Variants in UNC13C observed in about 807,000 individuals in gnomAD.
UNC13C encodes the protein protein unc-13 homolog C.
Under a neutral mutation model 245.4 loss-of-function variants are expected in UNC13C, and 174 were observed. The observed-to-expected ratio is 0.71, with a 90% CI of 0.63 to 0.80. The LOEUF (loss-of-function observed/expected upper bound fraction) is 0.80. Among genes scored for constraint, UNC13C ranks in the 30% least tolerant of loss-of-function variants. The probability of loss-of-function intolerance (pLI) is 0.00; values close to 1 mark genes in which losing one functional copy is unlikely to be tolerated. For missense variants in UNC13C, 2,829 were observed against 2,602.9 expected (o/e 1.09, Z -1.89); for synonymous variants, 992 against 895.1 (o/e 1.11, Z -1.93).
At chr15:54,164,654 T>C (rs1231291240) in intron 4 of UNC13C, among the ~76,000 whole-genome samples, 2 of 152,144 alleles carry the variant, frequency 1.3e-5, no homozygotes, top group Non-Finnish European at 2.9e-5. Context: ...TCTGGCAGGG[T>C]TGCTTTCACT....
At chr15:54,293,252 A>C (rs2140935405) in intron 10 of UNC13C, among the ~76,000 whole-genome samples, 1 of 152,066 alleles carries the variant, frequency 6.6e-6, no homozygotes, top group Middle Eastern at 3.4e-3. Context: ...TGTATACAAA[A>C]ACCACAGTGT....
chr15:54,399,545 T>C (rs2040138957), intron 18 of UNC13C, among the ~76,000 whole-genome samples: 1 of 151,906 alleles, frequency 6.6e-6, no homozygotes, highest in African/African-American at 2.4e-5. Flanking sequence ...CTATAACATG[T>C]AATTTCTTTT....
At chr15:54,533,138 T>C in intron 26 of UNC13C, 72 bp downstream of exon 26, 1 of 1,204,460 alleles carries the variant, frequency 8.3e-7, no homozygotes, top group Non-Finnish European at 1.2e-6. Flanking sequence ...AAGAAAAACA[T>C]TGTTTTCCTC....
chr15:54,183,194 A>G (rs915906906), intron 4 of UNC13C, among the ~76,000 whole-genome samples: 1 of 151,860 alleles, frequency 6.6e-6, no homozygotes, highest in Non-Finnish European at 1.5e-5. Flanking sequence ...GCTTCCATTT[A>G]TTATTGTAAT....
the UNC13C span, among the ~76,000 whole-genome samples, chr15:53,952,920 C>T: frequency 6.6e-6 from 1 of 151,630 alleles, no homozygotes; most frequent in Non-Finnish European, 1.5e-5. Context: ...TTTTTTTTCC[C>T]CTGAGCGGTT....
chr15:54,179,420 A>G (rs1282578148), intron 4 of UNC13C, among the ~76,000 whole-genome samples: 1 of 152,100 alleles, frequency 6.6e-6, no homozygotes, highest in Non-Finnish European at 1.5e-5. Flanking sequence ...ATACATGGAG[A>G]GTTTCACTAA....
the UNC13C span, among the ~76,000 whole-genome samples, chr15:53,938,207 A>G: frequency 1.3e-5 from 2 of 152,158 alleles, no homozygotes; most frequent in Non-Finnish European, 2.9e-5. Flanking sequence ...GAAAGCAGAA[A>G]AAAAAAGAGT....
At chr15:54,424,407 T>C (rs2040715715) in intron 19 of UNC13C, among the ~76,000 whole-genome samples, 1 of 151,778 alleles carries the variant, frequency 6.6e-6, no homozygotes, top group African/African-American at 2.4e-5. Context: ...TTTTTGTTTG[T>C]TTGTTTTTAT....
chr15:53,901,617 A>G, the UNC13C span, among the ~76,000 whole-genome samples: 1 of 152,112 alleles, frequency 6.6e-6, no homozygotes, highest in African/African-American at 2.4e-5. Flanking sequence ...TTTCCTTATA[A>G]TGAATAATGT....
At chr15:54,165,225 T>A (rs921267641) in intron 4 of UNC13C, among the ~76,000 whole-genome samples, 1 of 152,174 alleles carries the variant, frequency 6.6e-6, no homozygotes, top group Non-Finnish European at 1.5e-5. Flanking sequence ...TATGTGATTT[T>A]CATAAATATG....
intron 30 of UNC13C, among the ~76,000 whole-genome samples, chr15:54,612,705 T>A (rs1486833055): frequency 6.6e-6 from 1 of 152,010 alleles, no homozygotes; most frequent in Non-Finnish European, 1.5e-5. Flanking sequence ...TTACATGTGT[T>A]ATTGTTGCAA....
In UNC13C at chr15:54,148,676, A is replaced by G. The variant is rs375218694; in HGVS notation, c.3071+4992A>G. On this transcript the variant is annotated intron_variant, in intron 4 of 32. Coordinates refer to ENST00000260323, the MANE Select transcript of UNC13C (RefSeq NM_001080534.3). ...TTATCTCTCATAGCTGAGAACTTTTAATTTCAGTTCTTCCTATCAAGTCCA... is the reference window on the plus strand; with the variant it reads ...TTATCTCTCATAGCTGAGAACTTTTGATTTCAGTTCTTCCTATCAAGTCCA... Among the ~76,000 whole-genome samples, 8 of 152,080 alleles carry G rather than the reference A, an allele frequency of 5.3e-5. No individual in the cohort carries two copies. In the East Asian group the frequency reaches 7.7e-4, roughly 15 times the overall value.
chr15:54,110,091 G>A (rs1179943599), intron 2 of UNC13C, among the ~76,000 whole-genome samples: 4 of 151,876 alleles, frequency 2.6e-5, no homozygotes, highest in African/African-American at 7.3e-5. Flanking sequence ...CAGCCTGGCC[G>A]ATATAGTGGA....
intron 2 of UNC13C, among the ~76,000 whole-genome samples, chr15:54,054,234 A>G (rs1205717992): frequency 3.3e-5 from 5 of 152,142 alleles, no homozygotes; most frequent in Admixed American, 6.6e-5. Context: ...ATTTATGCCT[A>G]CCTATCATTT....
intron 19 of UNC13C, among the ~76,000 whole-genome samples, chr15:54,425,759 C>T (rs2040746776): frequency 2.6e-5 from 4 of 151,838 alleles, no homozygotes; most frequent in Non-Finnish European, 2.9e-5. Flanking sequence ...TATTAGTCAT[C>T]TATGCAACAA....
intron 2 of UNC13C, among the ~76,000 whole-genome samples, chr15:54,087,472 T>C (rs1264314409): frequency 6.6e-6 from 1 of 152,222 alleles, no homozygotes; most frequent in African/African-American, 2.4e-5. Context: ...CACTCATCTT[T>C]ACCCACTTCT....
intron 31 of UNC13C, 47 bp downstream of exon 31, chr15:54,622,466 C>G: frequency 7.4e-7 from 1 of 1,357,564 alleles, no homozygotes; most frequent in Non-Finnish European, 1.1e-6. Context: ...TAAACTTCTG[C>G]AGCAGTACTG....
At chr15:54,398,005 A>G (rs28866807) in intron 18 of UNC13C, among the ~76,000 whole-genome samples, 5,740 of 151,402 alleles carry the variant, frequency 0.038, 357 homozygotes, top group African/African-American at 0.13. Context: ...AAAATTAGTG[A>G]AGAGCAGACA....
At chr15:54,234,702 C>T (rs2035642807) in intron 4 of UNC13C, among the ~76,000 whole-genome samples, 1 of 152,224 alleles carries the variant, frequency 6.6e-6, no homozygotes, top group Non-Finnish European at 1.5e-5. Flanking sequence ...CTTCTGTTTC[C>T]TCCTGGAGGT....
Sources: allele counts gnomAD v4.1 joint callset (sites outside exome capture counted in the v4.1 genomes callset), GRCh38; gene constraint gnomAD v4.1.1; transcripts MANE v1.5; gene names NCBI Gene and HGNC (gene_info 2026-07-23, HGNC 2026-07-21).